The following SAMMSON variants were observed in gnomAD, a reference collection of about 807,000 sequenced individuals.
SAMMSON encodes the protein survival associated mitochondrial melanoma specific oncogenic non-coding RNA, also known as long intergenic non-protein coding RNA 1212.
chr3:70,126,576 C>A, intron 4 of SAMMSON: 6 of 492,302 alleles, frequency 1.2e-5, no homozygotes, highest in Non-Finnish European at 2.2e-5. Context: ...TTGTGCATCC[C>A]CTTGATATTG....
At chr3:70,364,512 C>A (rs9864962) in intron 9 of SAMMSON, among the ~76,000 whole-genome samples, 1,665 of 151,956 alleles carry the variant, frequency 0.011, 24 homozygotes, top group African/African-American at 0.037. Flanking sequence ...TGAACTTTTT[C>A]TCTTACTACC....
intron 4 of SAMMSON, among the ~76,000 whole-genome samples, chr3:70,221,713 T>C (rs1701462128): frequency 6.6e-6 from 1 of 152,076 alleles, no homozygotes; most frequent in Admixed American, 6.5e-5. Flanking sequence ...AAAAGGACAA[T>C]GAGGTAGATC....
intron 4 of SAMMSON, among the ~76,000 whole-genome samples, chr3:70,191,673 T>C (rs73116248): frequency 0.13 from 20,408 of 152,220 alleles, 1,694 homozygotes; most frequent in Non-Finnish European, 0.2. Context: ...ATGTTTTTCT[T>C]TGATATAGCC....
intron 4 of SAMMSON, among the ~76,000 whole-genome samples, chr3:70,210,696 G>T (rs1478999050): frequency 4.6e-5 from 7 of 152,046 alleles, no homozygotes; most frequent in African/African-American, 7.2e-5. Context: ...CATAGTTCTT[G>T]ACATTAATTT....
chr3:70,364,690 T>C (rs1483423626), intron 9 of SAMMSON, among the ~76,000 whole-genome samples: 2 of 151,882 alleles, frequency 1.3e-5, no homozygotes, highest in Admixed American at 6.6e-5. Flanking sequence ...TTGCATTAAA[T>C]CTTTACCTTA....
intron 2 of SAMMSON, among the ~76,000 whole-genome samples, chr3:70,397,129 C>T (rs1218463442): frequency 6.6e-6 from 1 of 152,144 alleles, no homozygotes; most frequent in African/African-American, 2.4e-5. Flanking sequence ...GCAATCACCC[C>T]AAGTTCTATC....
At chr3:70,027,794 C>G (rs1381614977) in intron 3 of SAMMSON, among the ~76,000 whole-genome samples, 2 of 152,146 alleles carry the variant, frequency 1.3e-5, no homozygotes, top group Non-Finnish European at 2.9e-5. Context: ...AAGGACAGCA[C>G]TGATGATAAA....
Position 70,284,308 on chromosome 3 carries a change from T to G in SAMMSON, n.675-6871T>G, listed in dbSNP as rs532532595. ...TTCTGTAAACTGCTCTACAATTTTA[T>G]AGAGTGAAGTTAGCCTTGTTCCAAG... On this transcript the variant is annotated intron_variant and non_coding_transcript_variant, in intron 6 of 9. Coordinates refer to ENST00000642114, the Ensembl canonical transcript of SAMMSON. 1.7e-4 allele frequency among the ~76,000 whole-genome samples: 26 copies of G among 152,306 alleles called. No homozygotes were observed. The South Asian group carries it at 2.1e-3, about 12-fold the overall frequency.
chr3:70,324,188 TATCTATCTATC>T (rs1250800632), intron 7 of SAMMSON, among the ~76,000 whole-genome samples: 2,289 of 90,350 alleles, frequency 0.025, 18 homozygotes, highest in Non-Finnish European at 0.033. Context: ...TCTATCTATC[TATCTATCTATC>T]ATCTATCTAT....
intron 4 of SAMMSON, among the ~76,000 whole-genome samples, chr3:70,130,277 G>A (rs746035399): frequency 1.3e-5 from 2 of 152,130 alleles, no homozygotes; most frequent in Non-Finnish European, 2.9e-5. Flanking sequence ...GTCTGTACAC[G>A]GACCTGAGGT....
At chr3:70,184,957 G>A (rs933331381) in intron 4 of SAMMSON, among the ~76,000 whole-genome samples, 1 of 152,194 alleles carries the variant, frequency 6.6e-6, no homozygotes, top group African/African-American at 2.4e-5. Flanking sequence ...GCCAGCATAT[G>A]CAAAGTCTCT....
rs941976384 is a variant in SAMMSON, at chr3:70,155,291, A to G, written n.507+83726A>G. The stretch of plus-strand genomic sequence containing the variant: ...CTGGATTATGAAATCCCTCAGCCCA[A>G]TGCAAAGTTCCAGGGTAGCCTAAGG... On this transcript the variant is annotated intron_variant and non_coding_transcript_variant, in intron 4 of 9. Transcript: ENST00000642114. Among the ~76,000 whole-genome samples, 9 of 151,954 alleles carry G rather than the reference A, an allele frequency of 5.9e-5. 1 individual carries two copies. The highest frequency in any genetic ancestry group is 1.4e-4 in the African/African-American group (6 of 41,414).
intron 4 of SAMMSON, among the ~76,000 whole-genome samples, chr3:70,212,253 A>T (rs765898221): frequency 6.6e-6 from 1 of 152,136 alleles, no homozygotes; most frequent in Non-Finnish European, 1.5e-5. Context: ...AGTAATCACA[A>T]ATTACAGCTT....
chr3:70,004,414 C>T (rs748652872), intron 1 of SAMMSON, among the ~76,000 whole-genome samples: 4 of 151,994 alleles, frequency 2.6e-5, no homozygotes, highest in African/African-American at 7.2e-5. Flanking sequence ...AGAAAAATTA[C>T]AAATTATAAT....
At chr3:70,380,961 G>C (rs1043698325) in intron 9 of SAMMSON, among the ~76,000 whole-genome samples, 2 of 152,074 alleles carry the variant, frequency 1.3e-5, no homozygotes, top group Non-Finnish European at 2.9e-5. Context: ...CATTTGGGTT[G>C]GTTCCAAGTC....
intron 4 of SAMMSON, among the ~76,000 whole-genome samples, chr3:70,119,212 G>A (rs990637286): frequency 1.3e-5 from 2 of 151,854 alleles, no homozygotes; most frequent in East Asian, 1.9e-4. Context: ...GATTACAGGC[G>A]CCCGCCACCA....
At chr3:70,115,146 A>G (rs1202680792) in intron 4 of SAMMSON, among the ~76,000 whole-genome samples, 2 of 145,330 alleles carry the variant, frequency 1.4e-5, no homozygotes, top group Admixed American at 7.2e-5. Context: ...GAAAATTTTG[A>G]TGTTTATTTC....
At chr3:70,010,503 C>G (rs942039916) in intron 1 of SAMMSON, among the ~76,000 whole-genome samples, 3 of 152,050 alleles carry the variant, frequency 2.0e-5, no homozygotes, top group Non-Finnish European at 4.4e-5. Context: ...CAAACCTTCG[C>G]CATAGCACCA....
intron 3 of SAMMSON, among the ~76,000 whole-genome samples, chr3:70,053,555 A>G (rs1452064312): frequency 6.6e-6 from 1 of 152,164 alleles, no homozygotes; most frequent in Non-Finnish European, 1.5e-5. Context: ...GAGGTTTTCA[A>G]CACACAAGGA....
Sources: allele counts gnomAD v4.1 joint callset (sites outside exome capture counted in the v4.1 genomes callset), GRCh38; gene constraint gnomAD v4.1.1; transcripts MANE v1.5; gene names NCBI Gene and HGNC (gene_info 2026-07-23, HGNC 2026-07-21).